Variants in DAB1 observed in about 807,000 individuals in gnomAD.
The protein encoded by DAB1 is disabled homolog 1.
DAB1 carries 15 observed loss-of-function variants against 64.6 expected under a neutral mutation model. That is an observed-to-expected ratio of 0.23 (90% CI 0.16 to 0.36). DAB1 has a LOEUF of 0.36. Among genes scored for constraint, DAB1 ranks in the 10% least tolerant of loss-of-function variants. DAB1 has a pLI of 1.00. For missense variants in DAB1, 596 were observed against 706.7 expected (o/e 0.84, Z 1.78); for synonymous variants, 235 against 251.9 (o/e 0.93, Z 0.64).
chr1:57,795,724 T>C (rs1315129194), intron 6 of DAB1, among the ~76,000 whole-genome samples: 1 of 120,110 alleles, frequency 8.3e-6, no homozygotes, highest in South Asian at 2.6e-4. Flanking sequence ...TATATATATA[T>C]ATATATATAT....
chr1:58,368,962 A>G (rs1644240252), intron 3 of DAB1, among the ~76,000 whole-genome samples: 1 of 152,204 alleles, frequency 6.6e-6, no homozygotes, highest in South Asian at 2.1e-4. Flanking sequence ...TCAAGGCTGC[A>G]GTGAGCTGTG....
chr1:57,603,415 A>C (rs1006774424), intron 7 of DAB1, among the ~76,000 whole-genome samples: 3 of 152,132 alleles, frequency 2.0e-5, no homozygotes, highest in Non-Finnish European at 4.4e-5. Context: ...TGAACACTTA[A>C]ACTCAGTGCC....
At chr1:58,023,387 C>T (rs991454303) in intron 5 of DAB1, among the ~76,000 whole-genome samples, 6 of 152,074 alleles carry the variant, frequency 3.9e-5, no homozygotes, top group Non-Finnish European at 7.4e-5. Flanking sequence ...GTTAAAATCA[C>T]CTGGAAAGCT....
chr1:57,288,535 T>C (rs1053402963), intron 2 of DAB1, among the ~76,000 whole-genome samples: 1 of 152,052 alleles, frequency 6.6e-6, no homozygotes, highest in Non-Finnish European at 1.5e-5. Flanking sequence ...GAGGACATGG[T>C]GAGAAGATGA....
At chr1:57,360,906 A>G (rs533398937) in intron 1 of DAB1, among the ~76,000 whole-genome samples, 84 of 152,262 alleles carry the variant, frequency 5.5e-4, no homozygotes, top group African/African-American at 1.9e-3. Context: ...CATTATTTCA[A>G]CGCACATTTA....
chr1:57,347,988 T>C lies in DAB1; in HGVS notation c.-136-56822A>G, dbSNP rs149613829. Among the ~76,000 whole-genome samples the C allele has an allele frequency of 5.4e-3, 820 of 152,112 alleles. 10 individuals carry two copies. Among genetic ancestry groups the C allele is most frequent in the African/African-American group, 0.018 (753 of 41,494 alleles). On this transcript the variant is annotated intron_variant, in intron 1 of 14. Coordinates refer to ENST00000371236, the MANE Select transcript of DAB1 (RefSeq NM_001365792.1). Reference sequence around the variant, plus strand: ...TACTTTCATTCTAACCTCAAGAAAATGAATTAAACTTGAAACTTTCCAGGT... The same window carrying C: ...TACTTTCATTCTAACCTCAAGAAAACGAATTAAACTTGAAACTTTCCAGGT...
At chr1:57,623,071 T>C (rs1272655797) in intron 7 of DAB1, among the ~76,000 whole-genome samples, 1 of 152,210 alleles carries the variant, frequency 6.6e-6, no homozygotes, top group Non-Finnish European at 1.5e-5. Flanking sequence ...CTGCTTTTTT[T>C]CCCTTCGTTA....
intron 1 of DAB1, chr1:58,533,987 C>T (rs138200752): frequency 1.1e-6 from 1 of 871,608 alleles, no homozygotes. Context: ...TATTTCATGG[C>T]CCAGAAGGAA....
chr1:57,566,814 C>A (rs1003004581), intron 7 of DAB1, among the ~76,000 whole-genome samples: 2 of 152,150 alleles, frequency 1.3e-5, no homozygotes, highest in African/African-American at 4.8e-5. Context: ...AGTCCAGGAC[C>A]AGACGAATTC....
At chr1:57,851,240 CTT>C (rs906047697) in intron 1 of DAB1, among the ~76,000 whole-genome samples, 13 of 152,218 alleles carry the variant, frequency 8.5e-5, no homozygotes, top group African/African-American at 3.1e-4. Flanking sequence ...AGGTTAGTCT[CTT>C]TGCAGTAGAT....
At chr1:57,620,218 G>C (rs756897009) in intron 7 of DAB1, among the ~76,000 whole-genome samples, 2 of 152,070 alleles carry the variant, frequency 1.3e-5, no homozygotes, top group African/African-American at 2.4e-5. Context: ...AGCTCAGTGC[G>C]AGAAGGGGTC....
chr1:58,003,794 T>C (rs1216071056), intron 5 of DAB1, among the ~76,000 whole-genome samples: 2 of 152,196 alleles, frequency 1.3e-5, no homozygotes, highest in Non-Finnish European at 2.9e-5. Flanking sequence ...CCTTGAAGTT[T>C]ACAAACAGAA....
At chr1:58,260,172 C>T (rs1161632389) in intron 4 of DAB1, among the ~76,000 whole-genome samples, 1 of 152,166 alleles carries the variant, frequency 6.6e-6, no homozygotes, top group Non-Finnish European at 1.5e-5. Flanking sequence ...TCCCTGGGAA[C>T]TCAGGCAAGT....
intron 4 of DAB1, among the ~76,000 whole-genome samples, chr1:58,327,172 G>A (rs985795594): frequency 2.0e-5 from 3 of 152,154 alleles, no homozygotes; most frequent in Non-Finnish European, 4.4e-5. Context: ...TTTCACCAAA[G>A]TCTGTATTTA....
At chr1:57,475,657 G>T (rs979516106) in intron 7 of DAB1, among the ~76,000 whole-genome samples, 3 of 152,160 alleles carry the variant, frequency 2.0e-5, no homozygotes, top group African/African-American at 7.2e-5. Flanking sequence ...GGTGTTATGG[G>T]TCCTTAGTGG....
intron 6 of DAB1, among the ~76,000 whole-genome samples, chr1:57,763,785 A>G (rs927113618): frequency 1.3e-5 from 2 of 152,212 alleles, no homozygotes; most frequent in East Asian, 3.8e-4. Flanking sequence ...TCCCCTGTAC[A>G]GTAAGCGGAA....
At chr1:57,543,493 T>C (rs1028504579) in intron 7 of DAB1, among the ~76,000 whole-genome samples, 8 of 152,176 alleles carry the variant, frequency 5.3e-5, no homozygotes, top group South Asian at 2.1e-4. Flanking sequence ...TTAGATAAAT[T>C]AAACATTGTA....
chr1:58,179,693 A>ATTT (rs372793183), intron 4 of DAB1, among the ~76,000 whole-genome samples: 1 of 151,772 alleles, frequency 6.6e-6, no homozygotes, highest in Admixed American at 6.6e-5. Context: ...TTTCATTCCA[A>ATTT]TTTTTTTCAT....
chr1:57,552,253 C>T (rs973899440), intron 7 of DAB1, among the ~76,000 whole-genome samples: 2 of 152,168 alleles, frequency 1.3e-5, no homozygotes, highest in African/African-American at 4.8e-5. Context: ...CAATTTAAGG[C>T]TAACTTAAAT....
Sources: gnomAD v4.1 joint callset for allele counts (sites outside exome capture counted in the v4.1 genomes callset) on GRCh38, gnomAD v4.1.1 for gene constraint, MANE v1.5 for transcripts, NCBI Gene and HGNC (gene_info 2026-07-23, HGNC 2026-07-21) for gene names.